Variants in HERC1 observed in about 807,000 individuals in gnomAD.
HERC1 encodes HECT and RLD domain containing E3 ubiquitin protein ligase family member 1.
In HERC1, 160 loss-of-function variants were observed where a neutral mutation model predicts 554.3. The ratio of observed to expected loss-of-function variants is 0.29; its 90% confidence interval spans 0.25 to 0.33. The LOEUF (loss-of-function observed/expected upper bound fraction) is 0.33, where lower values mean the gene tolerates loss of function less well. Among genes scored for constraint, HERC1 ranks in the 10% least tolerant of loss-of-function variants. The pLI is 1.00. For missense variants in HERC1, 4,919 were observed against 5,918.5 expected (o/e 0.83, Z 5.54); for synonymous variants, 2,175 against 2,131.7 (o/e 1.02, Z -0.56).
At chr15:63,766,025 T>C (rs1169330656) in intron 2 of HERC1, among the ~76,000 whole-genome samples, 3 of 152,074 alleles carry the variant, frequency 2.0e-5, no homozygotes, top group Admixed American at 6.6e-5. Flanking sequence ...CTAAATTGAT[T>C]TGCGACCTGT....
intron 2 of HERC1, among the ~76,000 whole-genome samples, chr15:63,770,400 T>G (rs1357104631): frequency 6.6e-6 from 1 of 152,214 alleles, no homozygotes; most frequent in African/African-American, 2.4e-5. Flanking sequence ...TGCATCCCTC[T>G]TTCATTACAC....
At chr15:63,650,006 C>G in intron 53 of HERC1, 81 bp from the exon 54 acceptor site, 2 of 974,454 alleles carry the variant, frequency 2.1e-6, no homozygotes, top group East Asian at 5.2e-5. Context: ...CTACTTAATT[C>G]TAATACACAC....
At chr15:63,807,101 T>C (rs2077162053) in intron 1 of HERC1, among the ~76,000 whole-genome samples, 1 of 152,172 alleles carries the variant, frequency 6.6e-6, no homozygotes, top group Non-Finnish European at 1.5e-5. Context: ...TCCAAGAGCA[T>C]TTTCATTATA....
intron 26 of HERC1, among the ~76,000 whole-genome samples, chr15:63,698,117 C>G (rs895372883): frequency 6.6e-6 from 1 of 151,796 alleles, no homozygotes; most frequent in African/African-American, 2.4e-5. Flanking sequence ...ACAAATGGGT[C>G]AAAAATGAAG....
chr15:63,679,384 T>G (rs1020735340), intron 36 of HERC1, among the ~76,000 whole-genome samples: 2 of 152,234 alleles, frequency 1.3e-5, no homozygotes, highest in African/African-American at 4.8e-5. Flanking sequence ...TTTTCTTGGT[T>G]AGAATATATC....
intron 1 of HERC1, among the ~76,000 whole-genome samples, chr15:63,789,810 A>AAATT (rs1280802205): frequency 3.2e-4 from 46 of 144,932 alleles, no homozygotes; most frequent in African/African-American, 1.2e-3. Flanking sequence ...CAAAATAAAT[A>AAATT]AATAAATAAA....
intron 14 of HERC1, 47 bp from the exon 15 acceptor site, chr15:63,729,696 G>A: frequency 6.3e-7 from 1 of 1,578,416 alleles, no homozygotes; most frequent in Non-Finnish European, 8.7e-7. Flanking sequence ...GCTTGAAACT[G>A]AAAGTAACAA....
intron 39 of HERC1, among the ~76,000 whole-genome samples, chr15:63,671,096 A>C (rs959377462): frequency 2.0e-5 from 3 of 151,476 alleles, no homozygotes; most frequent in Non-Finnish European, 4.4e-5. Flanking sequence ...CCAACTACTC[A>C]GGAGGCTGAG....
rs774677001 is a variant in HERC1 at position 63,651,294 on chromosome 15, G to C, written c.10505C>G (p.Ala3502Gly). 6.2e-7 allele frequency: 1 copy of C among 1,613,714 alleles called. No homozygotes were observed. The highest frequency in any genetic ancestry group is 1.3e-5 in the African/African-American group (1 of 74,926). Residue 3502 changes from alanine to glycine, a missense_variant, in exon 53 of 78, where the codon GCA becomes GGA. Coordinates refer to ENST00000443617, the MANE Select transcript of HERC1 (RefSeq NM_003922.4). ...ATTCACCATCTTTTCCAAAGCGCCTGCTAGATATTTGCCACTGATACTCCA... is the reference window on the plus strand; with the variant it reads ...ATTCACCATCTTTTCCAAAGCGCCTCCTAGATATTTGCCACTGATACTCCA... ...VSWSISGKYL[A>G]GALEKMVNIW...
At position 63,729,179 on chromosome 15, in the gene HERC1, C is replaced by G. The variant is rs564554972; in HGVS notation, c.3154+57G>C. 4.9e-4 allele frequency: 719 copies of G among 1,480,636 alleles called. 1 individual carries two copies. Among genetic ancestry groups the G allele is most frequent in the Admixed American group, 9.9e-4 (42 of 42,336 alleles). 91.7% of individuals were successfully genotyped at this position (1,480,636 alleles called of 1,614,324 possible). On this transcript the variant is annotated intron_variant, in intron 16 of 77. Coordinates refer to ENST00000443617, the MANE Select transcript of HERC1 (RefSeq NM_003922.4). ...CTGGCTCTCTTAAGACTTTGGAAAGCCAAGTGTTCTTACTTCTTAATGACT... is the reference window on the plus strand; with the variant it reads ...CTGGCTCTCTTAAGACTTTGGAAAGGCAAGTGTTCTTACTTCTTAATGACT...
In HERC1 at chr15:63,806,395, G is replaced by C. The variant is rs140439274; in HGVS notation, c.-27+27432C>G. ...GCTTTTCATGTTGTAATCACCCTAC[G>C]CTCACCAACACAGATTTACTCACTT... On this transcript the variant is annotated intron_variant, in intron 1 of 77. Coordinates refer to ENST00000443617, the MANE Select transcript of HERC1 (RefSeq NM_003922.4). Among the ~76,000 whole-genome samples, 273 of 152,142 alleles carry C rather than the reference G, an allele frequency of 1.8e-3. 1 individual carries two copies. Among genetic ancestry groups the C allele is most frequent in the Non-Finnish European group, 2.8e-3 (188 of 67,990 alleles).
chr15:63,648,531 A>G (rs555132791), intron 54 of HERC1, among the ~76,000 whole-genome samples: 246 of 152,338 alleles, frequency 1.6e-3, no homozygotes, highest in Non-Finnish European at 2.9e-3. Flanking sequence ...AAAATCTACC[A>G]TGAAACTGAG....
intron 25 of HERC1, among the ~76,000 whole-genome samples, chr15:63,705,555 A>G (rs147221561): frequency 1.2e-4 from 18 of 152,082 alleles, no homozygotes; most frequent in African/African-American, 4.3e-4. Context: ...TTTTTTTTCT[A>G]TGGATGAGAA....
intron 39 of HERC1, among the ~76,000 whole-genome samples, chr15:63,669,976 T>G (rs2070821155): frequency 6.6e-6 from 1 of 152,212 alleles, no homozygotes; most frequent in Non-Finnish European, 1.5e-5. Flanking sequence ...GAAAAATGCC[T>G]GCCTTCACAG....
At position 63,645,048 on chromosome 15, in the gene HERC1, TAGTATCTTG is replaced by T; in HGVS notation, c.11119_11127del (p.Gln3707_Thr3709del). 1 of 1,613,866 alleles carries T rather than the reference TAGTATCTTG, an allele frequency of 6.2e-7. No homozygotes were observed. The highest frequency in any genetic ancestry group is 1.7e-5 in the Admixed American group (1 of 60,016). On this transcript the variant is annotated inframe_deletion, in exon 57 of 78. Coordinates refer to ENST00000443617, the MANE Select transcript of HERC1 (RefSeq NM_003922.4). ...TCTGCACTAGTCACATTGGTCTGTG[TAGTATCTTG>T]AGGAATGCGCCAAACACATACTAAG...
intron 33 of HERC1, among the ~76,000 whole-genome samples, chr15:63,687,128 G>T (rs989749423): frequency 6.6e-6 from 1 of 152,196 alleles, no homozygotes; most frequent in Admixed American, 6.5e-5. Flanking sequence ...TACACAGAAT[G>T]ATGTATATAG....
At position 63,642,657 on chromosome 15, in the gene HERC1, A is replaced by G. The variant is rs17185673; in HGVS notation, c.11433+300T>C. On this transcript the variant is annotated intron_variant, in intron 59 of 77. Transcript: ENST00000443617. Reference sequence around the variant, plus strand: ...CCTGGCCTTGAGATAGTTTAGTGCTACTGTCAAAAATCATGGCAGAAAGTC... The same window carrying G: ...CCTGGCCTTGAGATAGTTTAGTGCTGCTGTCAAAAATCATGGCAGAAAGTC... Among the ~76,000 whole-genome samples, 24,371 of 152,146 alleles carry G rather than the reference A, an allele frequency of 0.16. 2,299 individuals carry two copies. The highest frequency in any genetic ancestry group is 0.21 in the Middle Eastern group (63 of 294).
At chr15:63,620,099 T>C (rs913220491) in intron 74 of HERC1, among the ~76,000 whole-genome samples, 1 of 152,220 alleles carries the variant, frequency 6.6e-6, no homozygotes, top group African/African-American at 2.4e-5. Context: ...GTGTCAATTT[T>C]CGATCTTTCC....
chr15:63,783,339 G>C (rs547073626), intron 1 of HERC1, among the ~76,000 whole-genome samples: 3 of 152,154 alleles, frequency 2.0e-5, no homozygotes, highest in African/African-American at 7.2e-5. Context: ...TTAACATCAA[G>C]GCAAGACCCT....
Sources: gnomAD v4.1 joint callset for allele counts (sites outside exome capture counted in the v4.1 genomes callset) on GRCh38, gnomAD v4.1.1 for gene constraint, MANE v1.5 for transcripts, NCBI Gene and HGNC (gene_info 2026-07-23, HGNC 2026-07-21) for gene names.